ADK: variants seen among roughly 807,000 people sequenced by gnomAD.
The protein encoded by ADK is adenosine kinase.
In ADK, 24 loss-of-function variants were observed where a neutral mutation model predicts 44.7. The ratio of observed to expected loss-of-function variants is 0.54; its 90% CI spans 0.39 to 0.76. The LOEUF (loss-of-function observed/expected upper bound fraction) is 0.76. Among genes scored for constraint, ADK ranks in the 30% least tolerant of loss-of-function variants. ADK has a pLI of 0.00. For synonymous variants in ADK, 128 were observed against 142.6 expected, an observed-to-expected ratio of 0.90 and a Z score of 0.73; for missense variants, 321 against 425.1, an observed-to-expected ratio of 0.76 and a Z score of 2.15.
At chr10:74,691,443 AG>A (rs1206032498) in intron 10 of ADK, among the ~76,000 whole-genome samples, 1 of 152,234 alleles carries the variant, frequency 6.6e-6, no homozygotes, top group Non-Finnish European at 1.5e-5. Context: ...ACTACTATAC[AG>A]TGTGAAGTTT....
intron 7 of ADK, among the ~76,000 whole-genome samples, chr10:74,555,273 A>G (rs1850197509): frequency 6.6e-6 from 1 of 152,348 alleles, no homozygotes; most frequent in South Asian, 2.1e-4. Context: ...AATAATAACA[A>G]TAATAATATA....
At chr10:74,530,482 C>T (rs967792244) in intron 7 of ADK, 24 of 152,122 alleles carry the variant, frequency 1.6e-4, no homozygotes, top group African/African-American at 5.8e-4. Context: ...CTTCTGATAG[C>T]CTCAATATTT....
chr10:74,549,721 G>A (rs941955025), intron 7 of ADK, among the ~76,000 whole-genome samples: 4 of 152,144 alleles, frequency 2.6e-5, no homozygotes, highest in African/African-American at 9.7e-5. Context: ...ACAGGCATAA[G>A]CCCTGCACCT....
chr10:74,173,465 T>C (rs1357697283), intron 1 of ADK, among the ~76,000 whole-genome samples: 2 of 147,092 alleles, frequency 1.4e-5, no homozygotes, highest in Non-Finnish European at 1.5e-5. Context: ...AGTCTTGCTC[T>C]TGTTGCCCAG....
At chr10:74,452,390 T>C (rs1194338886) in intron 6 of ADK, among the ~76,000 whole-genome samples, 1 of 152,030 alleles carries the variant, frequency 6.6e-6, no homozygotes, top group Non-Finnish European at 1.5e-5. Flanking sequence ...CTCTAATTGA[T>C]TGACACATAT....
intron 9 of ADK, among the ~76,000 whole-genome samples, chr10:74,652,908 C>T (rs564406718): frequency 6.6e-6 from 1 of 152,262 alleles, no homozygotes; most frequent in East Asian, 1.9e-4. Context: ...ACCATTCAAA[C>T]TACCAAGATG....
chr10:74,551,614 C>T (rs1050651493), intron 7 of ADK: 2 of 152,180 alleles, frequency 1.3e-5, no homozygotes, highest in Non-Finnish European at 2.9e-5. Flanking sequence ...ATGAGAAGTT[C>T]AGCACAGAGG....
intron 6 of ADK, among the ~76,000 whole-genome samples, chr10:74,479,724 C>A (rs1406628433): frequency 2.0e-5 from 3 of 151,900 alleles, no homozygotes; most frequent in South Asian, 4.2e-4. Context: ...TTTATGGTGG[C>A]CTTAATCCCC....
chr10:74,187,765 A>G (rs1842810562), intron 1 of ADK, among the ~76,000 whole-genome samples: 1 of 152,054 alleles, frequency 6.6e-6, no homozygotes, highest in Non-Finnish European at 1.5e-5. Flanking sequence ...TAGGCCTATG[A>G]TCTATCTTAA....
intron 7 of ADK, among the ~76,000 whole-genome samples, chr10:74,568,417 C>A (rs1850776816): frequency 6.6e-6 from 1 of 152,094 alleles, no homozygotes; most frequent in Admixed American, 6.5e-5. Flanking sequence ...ACGGTGTTGC[C>A]TCCACAGTTG....
intron 1 of ADK, among the ~76,000 whole-genome samples, chr10:74,164,442 A>C (rs1055676275): frequency 6.6e-6 from 1 of 152,194 alleles, no homozygotes; most frequent in Non-Finnish European, 1.5e-5. Context: ...AGGCTGAGGC[A>C]GGATAATTGC....
chr10:74,625,524 A>G (rs999138972), intron 9 of ADK, among the ~76,000 whole-genome samples: 1 of 152,194 alleles, frequency 6.6e-6, no homozygotes, highest in Non-Finnish European at 1.5e-5. Flanking sequence ...AATTCCATAA[A>G]AGAAAGGAAT....
intron 10 of ADK, among the ~76,000 whole-genome samples, chr10:74,683,194 G>C (rs1404238175): frequency 6.6e-6 from 1 of 152,190 alleles, no homozygotes; most frequent in Admixed American, 6.5e-5. Context: ...CCAGATGTTA[G>C]TTCTTTGAGC....
intron 9 of ADK, among the ~76,000 whole-genome samples, chr10:74,631,437 A>G (rs540098980): frequency 2.1e-5 from 3 of 142,204 alleles, no homozygotes; most frequent in Admixed American, 1.4e-4. Context: ...TTTTTTTTTT[A>G]GTAGAGATGG....
chr10:74,208,353 A>G (rs372507408), intron 2 of ADK, among the ~76,000 whole-genome samples: 48 of 152,304 alleles, frequency 3.2e-4, no homozygotes, highest in South Asian at 6.2e-4. Flanking sequence ...CATCTCCCCA[A>G]TTGTAGCCAG....
intron 9 of ADK, among the ~76,000 whole-genome samples, chr10:74,626,699 C>T (rs1853217514): frequency 1.3e-5 from 2 of 152,088 alleles, no homozygotes. Flanking sequence ...AACATTTTTC[C>T]TTCAGTGGCT....
intron 10 of ADK, among the ~76,000 whole-genome samples, chr10:74,695,059 T>G (rs952494952): frequency 6.6e-6 from 1 of 152,114 alleles, no homozygotes; most frequent in Non-Finnish European, 1.5e-5. Flanking sequence ...GAATTTGCAA[T>G]GGCAACTCTG....
intron 9 of ADK, among the ~76,000 whole-genome samples, chr10:74,613,533 C>A (rs1408888047): frequency 1.3e-5 from 2 of 152,164 alleles, no homozygotes; most frequent in African/African-American, 4.8e-5. Context: ...ATAGTTACAT[C>A]CCAATGCCCT....
chr10:74,507,224 T>C lies in ADK; in HGVS notation c.556-18032T>C, dbSNP rs541612383. On this transcript the variant is annotated intron_variant, in intron 6 of 10. Transcript: ENST00000539909. ...TGTAAACTGGGAAAGTTTCAGATTCTCTGAATTTGAGAGAGTTGTTCAACT... is the reference window on the plus strand; with the variant it reads ...TGTAAACTGGGAAAGTTTCAGATTCCCTGAATTTGAGAGAGTTGTTCAACT... 2.6e-5 allele frequency among the ~76,000 whole-genome samples: 4 copies of C among 152,296 alleles called. No individual in the cohort carries two copies. The South Asian group carries it at 8.3e-4, about 32-fold the overall frequency.
Sources: gnomAD v4.1 joint callset for allele counts (sites outside exome capture counted in the v4.1 genomes callset) on GRCh38, gnomAD v4.1.1 for gene constraint, MANE v1.5 for transcripts, NCBI Gene and HGNC (gene_info 2026-07-23, HGNC 2026-07-21) for gene names.